Variants in CDH18 observed in about 807,000 individuals in gnomAD.
CDH18 encodes the protein cadherin 18.
CDH18 carries 31 observed loss-of-function variants against 67.9 expected under a neutral mutation model. The ratio of observed to expected loss-of-function variants is 0.46; its 90% CI spans 0.34 to 0.62. The LOEUF (loss-of-function observed/expected upper bound fraction) is 0.62, where lower values mean the gene tolerates loss of function less well. Among genes scored for constraint, CDH18 ranks in the 20% least tolerant of loss-of-function variants. The probability of loss-of-function intolerance (pLI) is 0.01; values close to 1 mark genes in which losing one functional copy is unlikely to be tolerated. For missense variants in CDH18, 890 were observed against 975.5 expected (o/e 0.91, Z 1.17); for synonymous variants, 362 against 347.2 (o/e 1.04, Z -0.48).
chr5:20,305,570 C>T (rs1297364316), intron 1 of CDH18: 19 of 620,818 alleles, frequency 3.1e-5, no homozygotes, highest in Non-Finnish European at 4.9e-5. Flanking sequence ...GGCGCTCGGC[C>T]GCTTCCGGTC....
Position 20,525,684 on chromosome 5 carries a change from C to A in CDH18, c.-580+49778G>T, listed in dbSNP as rs924061400. ...TGACAAAATTATCACTCCAACTAAT[C>A]TGCAAGTGAGTTTTGTGAAGAAAAC... On this transcript the variant is annotated intron_variant, in intron 1 of 14. Coordinates refer to the CDH18 transcript ENST00000507958. 1.2e-4 allele frequency among the ~76,000 whole-genome samples: 19 copies of A among 152,232 alleles called. No homozygotes were observed. The South Asian group carries it at 1.5e-3, about 12-fold the overall frequency.
chr5:20,393,773 C>T (rs1185565311), intron 1 of CDH18, among the ~76,000 whole-genome samples: 2 of 151,818 alleles, frequency 1.3e-5, no homozygotes, highest in African/African-American at 4.8e-5. Flanking sequence ...TCTTTTACAA[C>T]AGCTGCAAAA....
At chr5:20,124,438 C>A (rs775810275) in intron 2 of CDH18, among the ~76,000 whole-genome samples, 2 of 152,158 alleles carry the variant, frequency 1.3e-5, no homozygotes, top group Non-Finnish European at 2.9e-5. Flanking sequence ...ACAAGCTGTG[C>A]AATCACCTTG....
intron 5 of CDH18, among the ~76,000 whole-genome samples, chr5:19,691,537 A>G (rs1338064014): frequency 1.3e-5 from 2 of 151,926 alleles, no homozygotes; most frequent in African/African-American, 4.8e-5. Flanking sequence ...AAAAAAATTA[A>G]TTTGCATGAT....
chr5:19,852,752 A>G (rs1255739956), intron 2 of CDH18, among the ~76,000 whole-genome samples: 1 of 152,036 alleles, frequency 6.6e-6, no homozygotes, highest in Non-Finnish European at 1.5e-5. Context: ...CCCATACTCT[A>G]CCTACACATC....
intron 1 of CDH18, among the ~76,000 whole-genome samples, chr5:20,385,800 A>G (rs1338854628): frequency 1.3e-5 from 2 of 152,248 alleles, no homozygotes; most frequent in East Asian, 3.8e-4. Flanking sequence ...ACATCTAAAT[A>G]TAACTTTGTA....
At chr5:19,691,035 A>T (rs1761799508) in intron 5 of CDH18, among the ~76,000 whole-genome samples, 1 of 151,910 alleles carries the variant, frequency 6.6e-6, no homozygotes, top group Non-Finnish European at 1.5e-5. Flanking sequence ...TAAAATATTA[A>T]CAAATTGAAT....
rs1164966956 is a variant in CDH18 at position 20,330,880 on chromosome 5, CT to C, written c.-579-75376del. Among the ~76,000 whole-genome samples the C allele has an allele frequency of 4.6e-5, 7 of 152,136 alleles. 1 individual carries two copies. The East Asian group carries it at 1.2e-3, about 25-fold the overall frequency. On this transcript the variant is annotated intron_variant, in intron 1 of 14. Coordinates refer to the CDH18 transcript ENST00000507958. ...TCCTGCTATAAAGCTTTTTAATAAA[CT>C]TTCACTCGTGCTTGAAAACTTGCCT... is the stretch of plus-strand genomic sequence containing the variant.
chr5:19,567,097 G>C (rs921746809), intron 8 of CDH18, among the ~76,000 whole-genome samples: 5 of 152,178 alleles, frequency 3.3e-5, no homozygotes, highest in Admixed American at 3.3e-4. Context: ...TAGTGGTGGT[G>C]GGGCAGGTAA....
At chr5:20,197,212 A>G (rs1017600409) in intron 2 of CDH18, among the ~76,000 whole-genome samples, 1 of 152,020 alleles carries the variant, frequency 6.6e-6, no homozygotes, top group Admixed American at 6.5e-5. Flanking sequence ...GGGTTTCACC[A>G]TGTTCCCCAG....
chr5:19,609,675 T>C (rs919673922), intron 6 of CDH18, among the ~76,000 whole-genome samples: 5 of 152,020 alleles, frequency 3.3e-5, no homozygotes, highest in African/African-American at 9.6e-5. Context: ...TTTGAGAGAA[T>C]ATTTTTGCAA....
intron 5 of CDH18, among the ~76,000 whole-genome samples, chr5:19,672,906 T>C (rs1463023097): frequency 6.6e-6 from 1 of 152,042 alleles, no homozygotes; most frequent in African/African-American, 2.4e-5. Flanking sequence ...TTAAATCCTA[T>C]TATTATAGAC....
chr5:20,282,796 A>C (rs1475283920), intron 1 of CDH18, among the ~76,000 whole-genome samples: 1 of 152,168 alleles, frequency 6.6e-6, no homozygotes, highest in Non-Finnish European at 1.5e-5. Context: ...TAAAGTTTAT[A>C]TGAAACACAA....
At chr5:20,139,030 A>G (rs1749996325) in intron 2 of CDH18, among the ~76,000 whole-genome samples, 1 of 152,204 alleles carries the variant, frequency 6.6e-6, no homozygotes, top group South Asian at 2.1e-4. Context: ...CCAAAAGAAC[A>G]AAGCTGGAGG....
intron 11 of CDH18, among the ~76,000 whole-genome samples, chr5:19,486,899 T>C (rs1046438101): frequency 1.3e-5 from 2 of 152,152 alleles, no homozygotes; most frequent in African/African-American, 2.4e-5. Context: ...CATAGCATGA[T>C]AGAACATCTG....
At chr5:19,890,086 T>C (rs1788627035) in intron 2 of CDH18, among the ~76,000 whole-genome samples, 1 of 152,162 alleles carries the variant, frequency 6.6e-6, no homozygotes, top group East Asian at 1.9e-4. Context: ...GTTCTGGAGT[T>C]CAGAAGTCCA....
chr5:19,877,419 C>A (rs1456470244), intron 2 of CDH18, among the ~76,000 whole-genome samples: 1 of 151,578 alleles, frequency 6.6e-6, no homozygotes, highest in Non-Finnish European at 1.5e-5. Flanking sequence ...AACAGTTGCA[C>A]AAGAATGTAA....
intron 1 of CDH18, among the ~76,000 whole-genome samples, chr5:20,466,599 C>A (rs554437825): frequency 1.3e-5 from 2 of 152,192 alleles, no homozygotes; most frequent in African/African-American, 4.8e-5. Flanking sequence ...TGAGTCACAG[C>A]CACCTTACAT....
rs116004838 is a variant in CDH18, at chr5:19,791,213, T to C, written c.229-43977A>G. Among the ~76,000 whole-genome samples the C allele has an allele frequency of 8.6e-3, 1,309 of 152,106 alleles. 19 individuals carry two copies. Among genetic ancestry groups the C allele is most frequent in the African/African-American group, 0.03 (1,228 of 41,498 alleles). ...ACATCTAAAGAGTTGGCTTCCTCATTTGAAAATGAGAGTGGCAGTGCGTGT... is the reference window on the plus strand; with the variant it reads ...ACATCTAAAGAGTTGGCTTCCTCATCTGAAAATGAGAGTGGCAGTGCGTGT... On this transcript the variant is annotated intron_variant, in intron 3 of 12. Transcript: ENST00000382275.
Sources: allele counts gnomAD v4.1 joint callset (sites outside exome capture counted in the v4.1 genomes callset), GRCh38; gene constraint gnomAD v4.1.1; transcripts MANE v1.5; gene names NCBI Gene and HGNC (gene_info 2026-07-23, HGNC 2026-07-21).